RBM24: variants seen among roughly 807,000 people sequenced by gnomAD.
The protein encoded by RBM24 is RNA binding motif protein 24, also known as RNA-binding protein 24.
RBM24 carries 5 observed loss-of-function variants against 23.6 expected under a neutral mutation model. That is an observed-to-expected ratio of 0.21 (90% CI 0.11 to 0.45). The LOEUF is 0.45. Ranked by LOEUF, RBM24 falls within the 20% of genes least tolerant of loss-of-function variation. The pLI is 0.99. For synonymous variants in RBM24, 151 were observed against 129.5 expected, an observed-to-expected ratio of 1.17 and a Z score of -1.13; for missense variants, 252 against 314.6, an observed-to-expected ratio of 0.80 and a Z score of 1.51.
At chr6:17,283,605 C>T (rs867403347) in intron 2 of RBM24, among the ~76,000 whole-genome samples, 7 of 152,064 alleles carry the variant, frequency 4.6e-5, no homozygotes, top group Admixed American at 6.6e-5. Flanking sequence ...TTAGTAGAGA[C>T]GGGGTTTCAC....
rs947065947 is a variant in RBM24, at chr6:17,281,381, G to T, written c.-201G>T. On this transcript the variant is annotated 5_prime_UTR_variant, in exon 1 of 4. Coordinates refer to ENST00000379052, the MANE Select transcript of RBM24 (RefSeq NM_001143942.2). This position sits in a 1 kb window ranked among gnomAD's most constrained non-coding sequence, Gnocchi z 7.1. ...AAGTCAAGTCTCCAGGGCCGCTGGCGACTTCGGAAGCCGCGCGCCCGGCGC... is the reference window on the plus strand; with the variant it reads ...AAGTCAAGTCTCCAGGGCCGCTGGCTACTTCGGAAGCCGCGCGCCCGGCGC... 7.1e-5 allele frequency: 11 copies of T among 155,212 alleles called. No homozygotes were observed. Among genetic ancestry groups the T allele is most frequent in the South Asian group, 1.8e-4 (1 of 5,470 alleles). The allele number at this position is 155,212 out of a possible 1,614,324, so 9.6% of individuals were successfully genotyped here.
chr6:17,281,871 G>GC lies in RBM24; in HGVS notation c.168+126dup. On this transcript the variant is annotated intron_variant, in intron 1 of 3. Coordinates refer to ENST00000379052, the MANE Select transcript of RBM24 (RefSeq NM_001143942.2). This position sits in a 1 kb window ranked among gnomAD's most constrained non-coding sequence, Gnocchi z 7.1. ...GGAGCCCCGCGGGTAGAGCGGCGCTGCCCCTTCGCTCCGGGGTGAACTGAA... is the reference window on the plus strand; with the variant it reads ...GGAGCCCCGCGGGTAGAGCGGCGCTGCCCCCTTCGCTCCGGGGTGAACTGAA... 3 of 1,378,282 alleles carry GC rather than the reference G, an allele frequency of 2.2e-6. No homozygotes were observed. The highest frequency in any genetic ancestry group is 3.0e-6 in the Non-Finnish European group (3 of 1,010,446). 85.4% of individuals were successfully genotyped at this position (1,378,282 alleles called of 1,614,324 possible).
intron 3 of RBM24, chr6:17,290,112 C>A (rs934678881): frequency 3.1e-6 from 4 of 1,283,010 alleles, no homozygotes; most frequent in African/African-American, 3.0e-5. Context: ...AAGTCCACTA[C>A]CCTCTGAGAT....
chr6:17,282,352 C>T (rs1259569534), intron 1 of RBM24: 1 of 862,652 alleles, frequency 1.2e-6, no homozygotes, highest in African/African-American at 1.7e-5. Flanking sequence ...AGGACAATAG[C>T]TATTGTCGTT....
In RBM24 at chr6:17,281,386, C is replaced by T. The variant is rs978456136; in HGVS notation, c.-196C>T. Reference sequence around the variant, plus strand: ...AAGTCTCCAGGGCCGCTGGCGACTTCGGAAGCCGCGCGCCCGGCGCTCTCG... The same window carrying T: ...AAGTCTCCAGGGCCGCTGGCGACTTTGGAAGCCGCGCGCCCGGCGCTCTCG... On this transcript the variant is annotated 5_prime_UTR_variant, in exon 1 of 4. Transcript: ENST00000379052. The surrounding 1 kb of genome is among the most constrained non-coding windows in gnomAD (Gnocchi z 7.1). The T allele has an allele frequency of 6.3e-6, 1 of 157,840 alleles. No individual in the cohort carries two copies. The highest frequency in any genetic ancestry group is 1.3e-5 in the Non-Finnish European group (1 of 74,608). 9.8% of individuals were successfully genotyped at this position (157,840 alleles called of 1,614,324 possible). A position where few individuals can be genotyped will look rare whatever the true frequency, so the allele number is the denominator to read the frequency against.
At position 17,293,493 on chromosome 6, in the gene RBM24, C is replaced by T. The variant is rs1760432649; in HGVS notation, c.*1374C>T. 1.3e-5 allele frequency: 2 copies of T among 152,388 alleles called. No individual in the cohort carries two copies. The highest frequency in any genetic ancestry group is 2.9e-5 in the Non-Finnish European group (2 of 67,992). The allele number at this position is 152,388 out of a possible 1,614,324, so 9.4% of individuals were successfully genotyped here. ...ATATATTGCTAGTTTCATGCTTCCT[C>T]CTCTGATTTTGCCTGTGTAGATTTC... On this transcript the variant is annotated 3_prime_UTR_variant, in exon 4 of 4. Coordinates refer to ENST00000379052, the MANE Select transcript of RBM24 (RefSeq NM_001143942.2).
At chr6:17,286,568 C>T (rs1319184491) in intron 3 of RBM24, among the ~76,000 whole-genome samples, 1 of 152,162 alleles carries the variant, frequency 6.6e-6, no homozygotes. Context: ...CATGCAAAAA[C>T]CAGTCAAGAA....
intron 3 of RBM24, among the ~76,000 whole-genome samples, chr6:17,286,086 T>G (rs10949415): frequency 0.15 from 22,403 of 152,048 alleles, 1,923 homozygotes; most frequent in Middle Eastern, 0.29. Flanking sequence ...TAAAAAGAAA[T>G]TAATAATAAC....
intron 3 of RBM24, chr6:17,288,176 T>C: frequency 3.4e-6 from 3 of 888,790 alleles, no homozygotes; most frequent in Non-Finnish European, 4.0e-6. Context: ...AGAATCATGG[T>C]CTGCCTGACC....
intron 3 of RBM24, chr6:17,289,636 T>C: frequency 1.0e-6 from 1 of 985,434 alleles, no homozygotes; most frequent in South Asian, 4.7e-5. Flanking sequence ...GTGTTGTTCT[T>C]GGAACTTTGA....
intron 3 of RBM24, among the ~76,000 whole-genome samples, chr6:17,291,508 G>A (rs1480034644): frequency 6.6e-6 from 1 of 152,112 alleles, no homozygotes; most frequent in Non-Finnish European, 1.5e-5. Flanking sequence ...GTACTTAGCA[G>A]CTCCAAATAA....
chr6:17,288,861 T>C (rs1214789652), intron 3 of RBM24: 8 of 985,340 alleles, frequency 8.1e-6, no homozygotes, highest in Non-Finnish European at 9.6e-6. Context: ...TTAAGAAATT[T>C]GCACTGAGTT....
chr6:17,289,667 T>A (rs1760295751), intron 3 of RBM24: 6 of 985,326 alleles, frequency 6.1e-6, no homozygotes, highest in African/African-American at 1.7e-5. Flanking sequence ...GGTTAAGGTT[T>A]CGGTGTCAGT....
intron 3 of RBM24, among the ~76,000 whole-genome samples, chr6:17,285,728 C>G (rs1009392947): frequency 2.0e-5 from 3 of 152,158 alleles, no homozygotes; most frequent in Non-Finnish European, 4.4e-5. Flanking sequence ...AACACCTGTT[C>G]ATATTTATGT....
intron 3 of RBM24, among the ~76,000 whole-genome samples, chr6:17,286,157 G>A (rs547086000): frequency 7.6e-4 from 115 of 150,488 alleles, no homozygotes; most frequent in African/African-American, 2.2e-3. Flanking sequence ...CTAACATATC[G>A]GTACCTCACT....
chr6:17,282,281 C>T, intron 1 of RBM24: 1 of 1,276,688 alleles, frequency 7.8e-7, no homozygotes, highest in Non-Finnish European at 1.0e-6. Flanking sequence ...GCATATTAAG[C>T]TTCCTTCCTA....
intron 2 of RBM24, 56 bp from the exon 3 acceptor site, chr6:17,284,601 G>T: frequency 7.6e-7 from 1 of 1,322,242 alleles, no homozygotes; most frequent in Non-Finnish European, 1.1e-6. Flanking sequence ...TTACATGTAG[G>T]AATAATAAAT....
chr6:17,282,280 G>A, intron 1 of RBM24: 1 of 1,278,866 alleles, frequency 7.8e-7, no homozygotes, highest in Non-Finnish European at 1.0e-6. Context: ...AGCATATTAA[G>A]CTTCCTTCCT....
intron 3 of RBM24, among the ~76,000 whole-genome samples, chr6:17,290,597 C>T (rs1760328451): frequency 6.6e-6 from 1 of 152,072 alleles, no homozygotes; most frequent in Non-Finnish European, 1.5e-5. Flanking sequence ...TGCAGGATAA[C>T]ACATGATTAT....
Sources: gnomAD v4.1 joint callset for allele counts (sites outside exome capture counted in the v4.1 genomes callset) on GRCh38, gnomAD v4.1.1 for gene constraint, Gnocchi (gnomAD v3.1) non-coding constraint, MANE v1.5 for transcripts, NCBI Gene and HGNC (gene_info 2026-07-23, HGNC 2026-07-21) for gene names.